The following CIMAP1D variants were observed in gnomAD, a reference collection of about 807,000 sequenced individuals.
CIMAP1D encodes CIMAP1 family member D, also known as protein CIMAP1D.
At chr19:474,859 C>T in the CIMAP1D span, 8 of 870,450 alleles carry the variant, frequency 9.2e-6, no homozygotes, top group Non-Finnish European at 1.3e-5. Flanking sequence ...CACGGCCTCA[C>T]CACACCCTCC....
the CIMAP1D span, among the ~76,000 whole-genome samples, chr19:478,526 A>G: frequency 6.6e-6 from 1 of 152,246 alleles, no homozygotes; most frequent in African/African-American, 2.4e-5. Context: ...CCCTCCAGCC[A>G]CCAGTCCCCT....
At chr19:466,718 T>A in the CIMAP1D span, among the ~76,000 whole-genome samples, 55 of 123,768 alleles carry the variant, frequency 4.4e-4, no homozygotes, top group Middle Eastern at 5.8e-3. Flanking sequence ...GGAGGGTGGA[T>A]GGATGGGTGG....
chr19:479,761 C>T, the CIMAP1D span, among the ~76,000 whole-genome samples: 16 of 151,994 alleles, frequency 1.1e-4, no homozygotes, highest in Admixed American at 9.8e-4. Flanking sequence ...TGGTCTCGAT[C>T]TCCTGACCTT....
At chr19:474,839 TC>T in the CIMAP1D span, 1 of 1,136,338 alleles carries the variant, frequency 8.8e-7, no homozygotes, top group Non-Finnish European at 1.2e-6. Context: ...CCAGGCACCG[TC>T]CCCACCTTCA....
the CIMAP1D span, among the ~76,000 whole-genome samples, chr19:486,824 G>A: frequency 1.3e-5 from 2 of 152,140 alleles, no homozygotes; most frequent in African/African-American, 4.8e-5. Context: ...TGAGGCAGAA[G>A]AATGACGTGA....
At chr19:481,929 C>A in the CIMAP1D span, among the ~76,000 whole-genome samples, 1 of 151,984 alleles carries the variant, frequency 6.6e-6, no homozygotes, top group African/African-American at 2.4e-5. Flanking sequence ...GCATGTGTCA[C>A]CATCCCTGGC....
the CIMAP1D span, among the ~76,000 whole-genome samples, chr19:478,551 A>AC: frequency 6.6e-6 from 1 of 152,256 alleles, no homozygotes; most frequent in Admixed American, 6.5e-5. Context: ...ATCTGATCGC[A>AC]CCAGATTCTA....
At chr19:467,803 A>G in the CIMAP1D span, 1 of 1,327,468 alleles carries the variant, frequency 7.5e-7, no homozygotes, top group Non-Finnish European at 1.1e-6. Flanking sequence ...GATTCTGAAG[A>G]CAGTGCCTGC....
chr19:477,816 C>T, the CIMAP1D span, among the ~76,000 whole-genome samples: 164 of 152,312 alleles, frequency 1.1e-3, no homozygotes, highest in Middle Eastern at 3.4e-3. Flanking sequence ...ACACGCGCCA[C>T]GCCACGGCAC....
the CIMAP1D span, chr19:463,999 C>T: frequency 9.3e-6 from 15 of 1,609,174 alleles, no homozygotes; most frequent in Admixed American, 8.4e-5. Flanking sequence ...GCGCCAGGGC[C>T]GGGGGTCTCC....
chr19:481,463 GGAA>G, the CIMAP1D span, among the ~76,000 whole-genome samples: 1 of 114,054 alleles, frequency 8.8e-6, no homozygotes, highest in African/African-American at 4.0e-5. Flanking sequence ...AAGGATGATG[GGAA>G]GGATGATGGG....
chr19:486,543 C>T, the CIMAP1D span, among the ~76,000 whole-genome samples: 3 of 151,882 alleles, frequency 2.0e-5, no homozygotes, highest in Non-Finnish European at 2.9e-5. Context: ...TGGGTTCAGG[C>T]GATTCTCCTG....
chr19:488,215 T>C, the CIMAP1D span, among the ~76,000 whole-genome samples: 2 of 151,128 alleles, frequency 1.3e-5, no homozygotes, highest in Non-Finnish European at 2.9e-5. Flanking sequence ...TGCTACACTA[T>C]CTCTACTAAA....
chr19:480,481 A>T, the CIMAP1D span, among the ~76,000 whole-genome samples: 3 of 136,478 alleles, frequency 2.2e-5, no homozygotes, highest in Non-Finnish European at 4.5e-5. Context: ...ATGATGGGGA[A>T]GGATGATGGT....
At chr19:487,084 C>A in the CIMAP1D span, among the ~76,000 whole-genome samples, 1 of 152,118 alleles carries the variant, frequency 6.6e-6, no homozygotes, top group South Asian at 2.1e-4. Context: ...CTGCAACCTG[C>A]CTATCATCAT....
chr19:488,383 G>A, the CIMAP1D span, among the ~76,000 whole-genome samples: 2 of 152,000 alleles, frequency 1.3e-5, no homozygotes, highest in South Asian at 2.1e-4. Flanking sequence ...TTAGCCGGGC[G>A]TGGTGGCAGG....
the CIMAP1D span, chr19:474,489 G>T: frequency 5.3e-6 from 5 of 936,828 alleles, no homozygotes; most frequent in South Asian, 3.1e-5. Flanking sequence ...GGAAAACTGA[G>T]GTCTGGGGAA....
the CIMAP1D span, among the ~76,000 whole-genome samples, chr19:481,078 G>GATGATGGAGAACGATGATGGAGAACA: frequency 8.1e-6 from 1 of 123,808 alleles, no homozygotes; most frequent in African/African-American, 2.9e-5. Flanking sequence ...TGATGGGAAG[G>GATGATGGAGAACGATGATGGAGAACA]ATGATGGAGA....
chr19:478,704 G>T, the CIMAP1D span, among the ~76,000 whole-genome samples: 1 of 152,378 alleles, frequency 6.6e-6, no homozygotes, highest in African/African-American at 2.4e-5. Flanking sequence ...TCACAACAGT[G>T]AAAAAAAGGG....
Sources: allele counts gnomAD v4.1 joint callset (sites outside exome capture counted in the v4.1 genomes callset), GRCh38; gene constraint gnomAD v4.1.1; transcripts MANE v1.5; gene names NCBI Gene and HGNC (gene_info 2026-07-23, HGNC 2026-07-21).